Variants in EDARADD observed in about 807,000 individuals in gnomAD.
The protein encoded by EDARADD is EDAR associated via death domain, also known as ectodysplasin-A receptor-associated adapter protein.
Under a neutral mutation model 25.6 loss-of-function variants are expected in EDARADD, and 20 were observed. The observed-to-expected ratio is 0.78, with a 90% confidence interval of 0.55 to 1.14. The LOEUF (loss-of-function observed/expected upper bound fraction) is 1.14, where lower values mean the gene tolerates loss of function less well. Among genes scored for constraint, EDARADD ranks in the 50% most tolerant of loss-of-function variants. The probability of loss-of-function intolerance (pLI) is 0.00; values close to 1 mark genes in which losing one functional copy is unlikely to be tolerated. For missense variants in EDARADD, 225 were observed against 270.1 expected, an observed-to-expected ratio of 0.83 and a Z score of 1.17; for synonymous variants, 86 against 94.4, an observed-to-expected ratio of 0.91 and a Z score of 0.52.
chr1:236,432,370 T>C (rs597954), intron 4 of EDARADD, among the ~76,000 whole-genome samples: 73,067 of 149,850 alleles, frequency 0.49, 18,823 homozygotes, highest in Non-Finnish European at 0.59. Context: ...GCCTGGGAGA[T>C]AGAGCCAGAC....
chr1:236,392,580 G>C (rs1287280289), upstream of EDARADD, among the ~76,000 whole-genome samples: 1 of 151,370 alleles, frequency 6.6e-6, no homozygotes, highest in Non-Finnish European at 1.5e-5. Context: ...CTGCCTCCCA[G>C]GTTTAAGCGA....
intron 3 of EDARADD, among the ~76,000 whole-genome samples, chr1:236,420,982 T>C (rs590348): frequency 0.51 from 74,248 of 145,740 alleles, 24,452 homozygotes; most frequent in Non-Finnish European, 0.66. Context: ...GATCCACCTG[T>C]CTCGGCCTCC....
chr1:236,363,560 G>A (rs1206388369), intron 3 of EDARADD, among the ~76,000 whole-genome samples: 1 of 150,072 alleles, frequency 6.7e-6, no homozygotes, highest in African/African-American at 2.4e-5. Context: ...CTACACAAAT[G>A]ATTTATATTT....
chr1:236,377,537 G>C lies in EDARADD; in HGVS notation c.-6+26698G>C, dbSNP rs1182508689. Among the ~76,000 whole-genome samples the C allele has an allele frequency of 2.0e-5, 3 of 150,812 alleles. No homozygotes were observed. In the East Asian group the frequency reaches 6.0e-4, roughly 30 times the overall value. The stretch of plus-strand genomic sequence containing the variant: ...ATTCCTGCCATATATATATGAGTCT[G>C]ATTCTGATGCTTGCCCGGTCTCTTC... On this transcript the variant is annotated intron_variant, in intron 3 of 7. Transcript: ENST00000439430.
chr1:236,441,532 T>C (rs1658401199), intron 4 of EDARADD, among the ~76,000 whole-genome samples: 1 of 147,522 alleles, frequency 6.8e-6, no homozygotes, highest in South Asian at 2.1e-4. Context: ...ATTATATATA[T>C]ATATTTTTTG....
At chr1:236,468,695 G>C (rs1227352698) in intron 5 of EDARADD, among the ~76,000 whole-genome samples, 2 of 152,186 alleles carry the variant, frequency 1.3e-5, no homozygotes, top group African/African-American at 4.8e-5. Flanking sequence ...CTGCAGAATA[G>C]AGCAACTTTC....
chr1:236,381,801 CTTTTTT>C (rs71559949), intron 3 of EDARADD, among the ~76,000 whole-genome samples: 5 of 42,072 alleles, frequency 1.2e-4, no homozygotes, highest in South Asian at 2.8e-3. Flanking sequence ...CCTGTGGTTG[CTTTTTT>C]TTTTTTTTTT....
At chr1:236,454,626 G>T (rs541907907) in intron 4 of EDARADD, among the ~76,000 whole-genome samples, 5 of 152,206 alleles carry the variant, frequency 3.3e-5, no homozygotes, top group Non-Finnish European at 4.4e-5. Flanking sequence ...TAAAGCCGAA[G>T]GGAACCTTAG....
chr1:236,381,849 T>A (rs1001491583), intron 3 of EDARADD, among the ~76,000 whole-genome samples: 1 of 149,092 alleles, frequency 6.7e-6, no homozygotes, highest in African/African-American at 2.5e-5. Context: ...GATCTTATGT[T>A]GCTCAGGCTG....
At chr1:236,445,231 A>ATTTTTTTTTTT (rs1415805260) in intron 4 of EDARADD, among the ~76,000 whole-genome samples, 1 of 47,298 alleles carries the variant, frequency 2.1e-5, no homozygotes, top group Non-Finnish European at 6.8e-5. Context: ...GACATAATAA[A>ATTTTTTTTTTT]TTCTTTTTTT....
intron 4 of EDARADD, 101 bp downstream of exon 4, chr1:236,427,551 G>A (rs1388541571): frequency 1.7e-6 from 2 of 1,147,954 alleles, no homozygotes; most frequent in Non-Finnish European, 2.5e-6. Context: ...TGAAAAACAG[G>A]ATTTCTAGAT....
Position 236,484,329 on chromosome 1 carries a change from T to C in EDARADD, c.*1680T>C. ...CATCACTGACCTGGTGGTGGGGCTG[T>C]GACCTGGGCAGCTCAAGACTGGTGC... On this transcript the variant is annotated 3_prime_UTR_variant, in exon 6 of 6. Transcript: ENST00000334232. The surrounding 1 kb of genome is among the most constrained non-coding windows in gnomAD (Gnocchi z 4.1). The C allele has an allele frequency of 7.7e-7, 1 of 1,296,456 alleles. No individual in the cohort carries two copies. Among genetic ancestry groups the C allele is most frequent in the Non-Finnish European group, 1.1e-6 (1 of 891,094 alleles). 80.3% of individuals were successfully genotyped at this position (1,296,456 alleles called of 1,614,324 possible).
intron 4 of EDARADD, among the ~76,000 whole-genome samples, chr1:236,446,404 T>G (rs1022056310): frequency 6.6e-6 from 1 of 152,050 alleles, no homozygotes; most frequent in Non-Finnish European, 1.5e-5. Context: ...AAAAAAAATT[T>G]AGCTGGGGAT....
chr1:236,363,565 A>ATATT (rs1285015392), intron 3 of EDARADD, among the ~76,000 whole-genome samples: 10 of 150,674 alleles, frequency 6.6e-5, no homozygotes, highest in South Asian at 4.2e-4. Flanking sequence ...CAAATGATTT[A>ATATT]TATTTATTTA....
intron 1 of EDARADD, among the ~76,000 whole-genome samples, chr1:236,401,708 G>A (rs929963197): frequency 6.6e-6 from 1 of 152,160 alleles, no homozygotes; most frequent in East Asian, 1.9e-4. Flanking sequence ...TGGAAAGGAT[G>A]GGCAGGGGGC....
chr1:236,392,647 T>C (rs1360568227), upstream of EDARADD, among the ~76,000 whole-genome samples: 7 of 150,472 alleles, frequency 4.7e-5, no homozygotes. Context: ...CTGGCTAATT[T>C]TTGTATTTGT....
intron 3 of EDARADD, among the ~76,000 whole-genome samples, chr1:236,383,840 CA>C (rs1005066628): frequency 2.6e-5 from 4 of 151,994 alleles, no homozygotes; most frequent in African/African-American, 9.6e-5. Context: ...CATATCTGTA[CA>C]AAAAGTTTAA....
intron 1 of EDARADD, among the ~76,000 whole-genome samples, chr1:236,405,735 TTC>T (rs1398016079): frequency 2.6e-5 from 1 of 37,780 alleles, no homozygotes; most frequent in Non-Finnish European, 5.7e-5. Flanking sequence ...TTTTCTTTCT[TTC>T]TTTCTTTCTT....
At chr1:236,361,607 G>C (rs1667050437) in intron 3 of EDARADD, among the ~76,000 whole-genome samples, 1 of 131,722 alleles carries the variant, frequency 7.6e-6, no homozygotes, top group South Asian at 2.4e-4. Context: ...TAGGATTACA[G>C]ACGTGAGCCA....
Sources: allele counts gnomAD v4.1 joint callset (sites outside exome capture counted in the v4.1 genomes callset), GRCh38; gene constraint gnomAD v4.1.1; non-coding constraint Gnocchi (gnomAD v3.1); transcripts MANE v1.5; gene names NCBI Gene and HGNC (gene_info 2026-07-23, HGNC 2026-07-21).